ATXN10: variants seen among roughly 807,000 people sequenced by gnomAD.
ATXN10 encodes ataxin 10, also known as ataxin-10.
ATXN10 carries 28 observed loss-of-function variants against 52.9 expected under a neutral mutation model. That is an observed-to-expected ratio of 0.53 (90% CI 0.39 to 0.73). The LOEUF (loss-of-function observed/expected upper bound fraction) is 0.73, where lower values mean the gene tolerates loss of function less well. ATXN10 is among the 30% of genes least tolerant of loss of function. ATXN10 has a pLI of 0.00. For synonymous variants in ATXN10, 226 were observed against 221.5 expected, an observed-to-expected ratio of 1.02 and a Z score of -0.18; for missense variants, 565 against 577.0, an observed-to-expected ratio of 0.98 and a Z score of 0.21.
In ATXN10 at chr22:45,820,255, G is replaced by A. The variant is rs758984756; in HGVS notation, c.1237+13233G>A. 6.6e-6 allele frequency among the ~76,000 whole-genome samples: 1 copy of A among 152,218 alleles called. No homozygotes were observed. The highest frequency in any genetic ancestry group is 1.5e-5 in the Non-Finnish European group (1 of 68,032). On this transcript the variant is annotated intron_variant, in intron 10 of 11. Transcript: ENST00000252934. This position sits in a 1 kb window ranked among gnomAD's most constrained non-coding sequence, Gnocchi z 4.9. ...CTTATCCAGGAAATGAAAAGGCCGTGTGCTACGGTGGGACCACCAACCTAA... is the reference window on the plus strand; with the variant it reads ...CTTATCCAGGAAATGAAAAGGCCGTATGCTACGGTGGGACCACCAACCTAA...
intron 9 of ATXN10, among the ~76,000 whole-genome samples, chr22:45,803,244 C>G (rs1270219578): frequency 6.6e-6 from 1 of 152,222 alleles, no homozygotes; most frequent in Non-Finnish European, 1.5e-5. Context: ...ACCCCAGCAG[C>G]CTGGCTCCAC....
chr22:45,749,912 A>T (rs536747826), intron 9 of ATXN10, among the ~76,000 whole-genome samples: 16 of 152,124 alleles, frequency 1.1e-4, no homozygotes, highest in Non-Finnish European at 1.8e-4. Flanking sequence ...CATTTCAGGC[A>T]CATGCGTATT....
intron 10 of ATXN10, among the ~76,000 whole-genome samples, chr22:45,839,833 C>T (rs995364107): frequency 6.6e-6 from 1 of 152,164 alleles, no homozygotes; most frequent in Non-Finnish European, 1.5e-5. Flanking sequence ...TCTCTCAAAC[C>T]CTAAAAAGCC....
At chr22:45,738,588 A>G (rs941646503) in intron 7 of ATXN10, 143 bp from the exon 8 acceptor site, 1 of 698,920 alleles carries the variant, frequency 1.4e-6, no homozygotes, top group Admixed American at 2.7e-5. Context: ...TTTGTTCTTC[A>G]TAGTTTTGTT....
rs1010118525 is a variant in ATXN10 at position 45,727,781 on chromosome 22, A to G, written c.729-1644A>G. ...CTGGGAGCTTCAGAGTTAGGTGCAT[A>G]TATATTTAGGATTATAATATCTTCC... On this transcript the variant is annotated intron_variant, in intron 6 of 11. Transcript: ENST00000252934. The surrounding 1 kb of genome is among the most constrained non-coding windows in gnomAD (Gnocchi z 4.6). Among the ~76,000 whole-genome samples, 1 of 152,108 alleles carries G rather than the reference A, an allele frequency of 6.6e-6. No homozygotes were observed. The highest frequency in any genetic ancestry group is 1.5e-5 in the Non-Finnish European group (1 of 68,012).
intron 5 of ATXN10, among the ~76,000 whole-genome samples, chr22:45,710,303 T>G (rs1924196685): frequency 6.6e-6 from 1 of 152,208 alleles, no homozygotes; most frequent in African/African-American, 2.4e-5. Context: ...GTCCTGAATC[T>G]TTACATCCGC....
chr22:45,706,127 CT>C (rs1924033456), intron 5 of ATXN10, among the ~76,000 whole-genome samples: 1 of 152,120 alleles, frequency 6.6e-6, no homozygotes. Flanking sequence ...GAAAAATTGT[CT>C]TTCATGAAAC....
intron 10 of ATXN10, among the ~76,000 whole-genome samples, chr22:45,813,405 G>T (rs544974460): frequency 6.8e-6 from 1 of 147,702 alleles, no homozygotes; most frequent in African/African-American, 2.5e-5. Context: ...GTCCAGACTG[G>T]GTTGTTTTGG....
In ATXN10 at chr22:45,826,110, G is replaced by T. The variant is rs1928807398; in HGVS notation, c.1238-16881G>T. On this transcript the variant is annotated intron_variant, in intron 10 of 11. Coordinates refer to ENST00000252934, the MANE Select transcript of ATXN10 (RefSeq NM_013236.4). The surrounding 1 kb of genome is among the most constrained non-coding windows in gnomAD (Gnocchi z 5.0). ...CCAATATGGACAAAATGAAATGTCA[G>T]CAAAGAGATAGAAGACCTGAAGATA... Among the ~76,000 whole-genome samples the T allele has an allele frequency of 6.6e-6, 1 of 152,124 alleles. No homozygotes were observed. Among genetic ancestry groups the T allele is most frequent in the African/African-American group, 2.4e-5 (1 of 41,418 alleles).
At chr22:45,760,227 C>G (rs1338712267) in intron 9 of ATXN10, among the ~76,000 whole-genome samples, 1 of 152,182 alleles carries the variant, frequency 6.6e-6, no homozygotes. Context: ...CTATCTTCAT[C>G]ATGTGCTTTT....
In ATXN10 at chr22:45,825,174, A is replaced by C. The variant is rs1928776483; in HGVS notation, c.1238-17817A>C. 6.6e-6 allele frequency among the ~76,000 whole-genome samples: 1 copy of C among 152,198 alleles called. No individual in the cohort carries two copies. Among genetic ancestry groups the C allele is most frequent in the Non-Finnish European group, 1.5e-5 (1 of 68,036 alleles). ...AATATCTGGGGTCAGTGCTCTGATTACTGATTTCAGCTTTTGATCACAGAG... is the reference window on the plus strand; with the variant it reads ...AATATCTGGGGTCAGTGCTCTGATTCCTGATTTCAGCTTTTGATCACAGAG... On this transcript the variant is annotated intron_variant, in intron 10 of 11. Transcript: ENST00000252934. The surrounding 1 kb of genome is among the most constrained non-coding windows in gnomAD (Gnocchi z 4.5).
In ATXN10 at chr22:45,681,383, T is replaced by C. The variant is rs1219492562; in HGVS notation, c.117-8329T>C. 6.6e-6 allele frequency among the ~76,000 whole-genome samples: 1 copy of C among 152,152 alleles called. No homozygotes were observed. Among genetic ancestry groups the C allele is most frequent in the African/African-American group, 2.4e-5 (1 of 41,418 alleles). The stretch of plus-strand genomic sequence containing the variant: ...TCCCAATCCCTGTTTTATCTTCTCT[T>C]TAGGGCCCTTGCTTCATCAAGTCTT... On this transcript the variant is annotated intron_variant, in intron 1 of 11. Coordinates refer to ENST00000252934, the MANE Select transcript of ATXN10 (RefSeq NM_013236.4). The surrounding 1 kb of genome is among the most constrained non-coding windows in gnomAD (Gnocchi z 4.2).
chr22:45,730,396 A>G (rs547428496), intron 7 of ATXN10, among the ~76,000 whole-genome samples: 155 of 149,974 alleles, frequency 1.0e-3, no homozygotes, highest in African/African-American at 3.6e-3. Context: ...AGAATTTCCT[A>G]TTTATTTGTC....
chr22:45,707,097 T>C (rs1466257478), intron 5 of ATXN10, among the ~76,000 whole-genome samples: 3 of 152,186 alleles, frequency 2.0e-5, no homozygotes, highest in Admixed American at 6.5e-5. Flanking sequence ...CCTTTCTCAT[T>C]ATAAAATTTA....
At chr22:45,689,629 TA>T in intron 1 of ATXN10, 82 bp from the exon 2 acceptor site, 1 of 1,226,638 alleles carries the variant, frequency 8.2e-7, no homozygotes, top group Non-Finnish European at 1.2e-6. Context: ...CCCACAATAG[TA>T]GATAAAAGCA....
At position 45,780,727 on chromosome 22, in the gene ATXN10, G is replaced by A. The variant is rs188369643; in HGVS notation, c.1174-26232G>A. 6.6e-6 allele frequency among the ~76,000 whole-genome samples: 1 copy of A among 152,308 alleles called. No homozygotes were observed. Among genetic ancestry groups the A allele is most frequent in the East Asian group, 1.9e-4 (1 of 5,182 alleles). On this transcript the variant is annotated intron_variant, in intron 9 of 11. Transcript: ENST00000252934. The surrounding 1 kb of genome is among the most constrained non-coding windows in gnomAD (Gnocchi z 4.0). ...ATTTAAACCTGGATCAGTGACTTGT[G>A]TCTTCATTTGCTAATGGAAGTCCTT...
rs1924927049 is a variant in ATXN10 at position 45,727,500 on chromosome 22, G to C, written c.729-1925G>C. Among the ~76,000 whole-genome samples, 3 of 151,970 alleles carry C rather than the reference G, an allele frequency of 2.0e-5. No homozygotes were observed. The highest frequency in any genetic ancestry group is 2.0e-4 in the Admixed American group (3 of 15,244). On this transcript the variant is annotated intron_variant, in intron 6 of 11. Coordinates refer to ENST00000252934, the MANE Select transcript of ATXN10 (RefSeq NM_013236.4). The surrounding 1 kb of genome is among the most constrained non-coding windows in gnomAD (Gnocchi z 4.6). ...CAGCCTCCTGAGTAGCTGGATTACA[G>C]GCCCCTGCCACCACGGCTGGCTAGT...
rs2146836064 is a variant in ATXN10 at position 45,766,848 on chromosome 22, T to C, written c.1173+26310T>C. On this transcript the variant is annotated intron_variant, in intron 9 of 11. Transcript: ENST00000252934. This position sits in a 1 kb window ranked among gnomAD's most constrained non-coding sequence, Gnocchi z 4.6. ...ACCAATAGCCCTACAGAAAAATGGA[T>C]AAAAGATATGAATAGACAGTTTACA... is the stretch of plus-strand genomic sequence containing the variant. 6.6e-6 allele frequency among the ~76,000 whole-genome samples: 1 copy of C among 152,214 alleles called. No homozygotes were observed. The highest frequency in any genetic ancestry group is 6.5e-5 in the Admixed American group (1 of 15,288).
At chr22:45,687,442 G>A (rs1033345326) in intron 1 of ATXN10, among the ~76,000 whole-genome samples, 20 of 152,172 alleles carry the variant, frequency 1.3e-4, no homozygotes, top group Admixed American at 1.3e-3. Flanking sequence ...AGAGGCAGAC[G>A]GCAAAGGATC....
Sources: allele counts gnomAD v4.1 joint callset (sites outside exome capture counted in the v4.1 genomes callset), GRCh38; gene constraint gnomAD v4.1.1; non-coding constraint Gnocchi (gnomAD v3.1); transcripts MANE v1.5; gene names NCBI Gene and HGNC (gene_info 2026-07-23, HGNC 2026-07-21).